The following INTS6 variants were observed in gnomAD, a reference collection of about 807,000 sequenced individuals.
The protein encoded by INTS6 is DEAD box protein.
In INTS6, 16 loss-of-function variants were observed where a neutral mutation model predicts 104.9. The observed-to-expected ratio is 0.15, with a 90% CI of 0.10 to 0.23. The LOEUF (loss-of-function observed/expected upper bound fraction) is 0.23. Ranked by LOEUF, INTS6 falls within the 10% of genes least tolerant of loss-of-function variation. The pLI, the probability that INTS6 is intolerant of heterozygous loss-of-function variation, is 1.00. For missense variants in INTS6, 584 were observed against 1,062.8 expected (o/e 0.55, Z 6.26); for synonymous variants, 324 against 358.7 (o/e 0.90, Z 1.09).
At chr13:51,449,648 T>C in intron 3 of INTS6, 1 of 985,250 alleles carries the variant, frequency 1.0e-6, no homozygotes, top group Non-Finnish European at 1.2e-6. Context: ...TAAATATCTC[T>C]TTGAACTCAA....
intron 3 of INTS6, chr13:51,354,380 A>G (rs935508100): frequency 1.3e-5 from 2 of 152,216 alleles, no homozygotes; most frequent in African/African-American, 2.4e-5. Flanking sequence ...TGAAGATGAA[A>G]TGTCTGATAA....
At chr13:51,345,228 A>G in the INTS6 span, among the ~76,000 whole-genome samples, 1 of 152,184 alleles carries the variant, frequency 6.6e-6, no homozygotes, top group Non-Finnish European at 1.5e-5. Context: ...CCTCCTGCCC[A>G]GGGTCCACAG....
At chr13:51,440,308 G>C (rs1035295516) in intron 3 of INTS6, 2 of 151,328 alleles carry the variant, frequency 1.3e-5, no homozygotes, top group Non-Finnish European at 2.9e-5. Context: ...AAAGCTTACA[G>C]AATAAGGATA....
rs1207182770 is a variant in INTS6, at chr13:51,365,372, A to C, written c.*380T>G. The C allele has an allele frequency of 2.0e-5, 3 of 151,888 alleles. No individual in the cohort carries two copies. Among genetic ancestry groups the C allele is most frequent in the Non-Finnish European group, 4.4e-5 (3 of 68,830 alleles). The allele number at this position is 151,888 out of a possible 1,614,324, so 9.4% of individuals were successfully genotyped here. A position where few individuals can be genotyped will look rare whatever the true frequency, so the allele number is the denominator to read the frequency against. The stretch of plus-strand genomic sequence containing the variant: ...TTTTAATGTATGTGCTTTTTTCCCC[A>C]AAAATTACAAAGTAACTTCTTTTTT... On this transcript the variant is annotated 3_prime_UTR_variant, in exon 18 of 18. Coordinates refer to ENST00000311234, the MANE Select transcript of INTS6 (RefSeq NM_012141.3).
downstream of INTS6, among the ~76,000 whole-genome samples, chr13:51,351,462 G>A (rs1018319124): frequency 1.3e-5 from 2 of 152,108 alleles, no homozygotes; most frequent in Non-Finnish European, 2.9e-5. Context: ...GTCTATTTCA[G>A]AGGTTTTTCC....
chr13:51,341,151 C>A, the INTS6 span: 2 of 1,613,934 alleles, frequency 1.2e-6, no homozygotes, highest in Non-Finnish European at 1.7e-6. Flanking sequence ...GAGCAAATGG[C>A]CACCTCCGTG....
chr13:51,363,968 T>C lies in INTS6; in HGVS notation c.*1784A>G, dbSNP rs1040285091. On this transcript the variant is annotated 3_prime_UTR_variant, in exon 18 of 18. Transcript: ENST00000311234. ...GCTGAATCTCTTTCCTAGATACTCTTGTTAAGTATGAATTTTTATCTGAAT... is the reference window on the plus strand; with the variant it reads ...GCTGAATCTCTTTCCTAGATACTCTCGTTAAGTATGAATTTTTATCTGAAT... The C allele has an allele frequency of 4.1e-6, 1 of 244,848 alleles. No individual in the cohort carries two copies. Among genetic ancestry groups the C allele is most frequent in the African/African-American group, 2.2e-5 (1 of 44,762 alleles). The allele number at this position is 244,848 out of a possible 1,614,324, so 15.2% of individuals were successfully genotyped here.
the INTS6 span, among the ~76,000 whole-genome samples, chr13:51,335,389 A>G: frequency 2.0e-5 from 3 of 152,240 alleles, no homozygotes; most frequent in East Asian, 3.8e-4. Context: ...CAAGCATATT[A>G]TGAGACGCTC....
intron 4 of INTS6, among the ~76,000 whole-genome samples, chr13:51,408,667 T>C (rs572790850): frequency 6.6e-6 from 1 of 152,334 alleles, no homozygotes; most frequent in South Asian, 2.1e-4. Flanking sequence ...AATAATAATC[T>C]CTTTCTTGAT....
intron 4 of INTS6, among the ~76,000 whole-genome samples, chr13:51,429,785 A>AATATATATATATATAT (rs201277531): frequency 3.2e-5 from 3 of 92,354 alleles, no homozygotes; most frequent in African/African-American, 4.6e-5. Flanking sequence ...AAAAAAAAAA[A>AATATATATATATATAT]ATATATATAT....
At chr13:51,340,140 G>T in the INTS6 span, among the ~76,000 whole-genome samples, 1 of 152,182 alleles carries the variant, frequency 6.6e-6, no homozygotes, top group Non-Finnish European at 1.5e-5. Context: ...TGAGTAGCAG[G>T]GTGAGCTGCT....
At position 51,385,420 on chromosome 13, in the gene INTS6, A is replaced by G. The variant is rs117899497; in HGVS notation, c.895-1679T>C. 2.4e-4 allele frequency among the ~76,000 whole-genome samples: 37 copies of G among 152,326 alleles called. No individual in the cohort carries two copies. In the East Asian group the frequency reaches 6.9e-3, roughly 29 times the overall value. On this transcript the variant is annotated intron_variant, in intron 7 of 17. Transcript: ENST00000311234. ...CATGCACCTGACACACAGTTTATTG[A>G]ATCAGTCCACAAAACACACTTATTC...
rs1420236393 is a variant in INTS6 at position 51,374,666 on chromosome 13, C to T, written c.1860G>A (p.Lys620=). 5 of 1,613,086 alleles carry T rather than the reference C, an allele frequency of 3.1e-6. No individual in the cohort carries two copies. The highest frequency in any genetic ancestry group is 4.2e-6 in the Non-Finnish European group (5 of 1,179,898). ...RRLHTFGNPF[K]LDKKGMMIDE... Reference sequence around the variant, plus strand: ...ATTTCAAAATTACCTTCTTATCCAGCTTAAAGGGGTTGCCAAATGTATGCA... The same window carrying T: ...ATTTCAAAATTACCTTCTTATCCAGTTTAAAGGGGTTGCCAAATGTATGCA... The change falls in exon 14 of 18, where the codon AAG becomes AAA. Residue 620 remains lysine, a synonymous_variant. Transcript: ENST00000311234.
the INTS6 span, among the ~76,000 whole-genome samples, chr13:51,335,586 T>C: frequency 6.6e-6 from 1 of 152,192 alleles, no homozygotes; most frequent in Non-Finnish European, 1.5e-5. Flanking sequence ...ATATGCATAG[T>C]GTATAACCTT....
intron 4 of INTS6, among the ~76,000 whole-genome samples, chr13:51,396,639 G>C (rs554157332): frequency 6.6e-6 from 1 of 152,078 alleles, no homozygotes; most frequent in Non-Finnish European, 1.5e-5. Context: ...GAAAAGATTC[G>C]ACCTGAATTG....
intron 5 of INTS6, among the ~76,000 whole-genome samples, chr13:51,394,788 T>A (rs1956306454): frequency 6.6e-6 from 1 of 152,180 alleles, no homozygotes; most frequent in Admixed American, 6.5e-5. Flanking sequence ...CATATTGTAT[T>A]TCAAGATTTT....
intron 4 of INTS6, among the ~76,000 whole-genome samples, chr13:51,430,021 A>G (rs1028259822): frequency 1.3e-5 from 2 of 151,870 alleles, no homozygotes; most frequent in Non-Finnish European, 2.9e-5. Flanking sequence ...TCATTTTACT[A>G]TTTATGACAG....
In INTS6 at chr13:51,453,015, C is replaced by T. The variant is rs1032273584; in HGVS notation, c.-490G>A. 13 of 1,012,524 alleles carry T rather than the reference C, an allele frequency of 1.3e-5. No individual in the cohort carries two copies. The East Asian group carries it at 5.6e-4, about 44-fold the overall frequency. 62.7% of individuals were successfully genotyped at this position (1,012,524 alleles called of 1,614,324 possible). ...CACCCCGGCGGTGTCACCACTTTCT[C>T]AGCCCCTCTCGCTACTGAAGCGCTT... On this transcript the variant is annotated 5_prime_UTR_variant, in exon 1 of 18. Coordinates refer to ENST00000311234, the MANE Select transcript of INTS6 (RefSeq NM_012141.3).
downstream of INTS6, among the ~76,000 whole-genome samples, chr13:51,352,406 AATTG>A (rs1955413508): frequency 6.6e-6 from 1 of 151,428 alleles, no homozygotes; most frequent in Non-Finnish European, 1.5e-5. Context: ...ATACAAACAC[AATTG>A]ATTTTTGTAT....
Sources: allele counts gnomAD v4.1 joint callset (sites outside exome capture counted in the v4.1 genomes callset), GRCh38; gene constraint gnomAD v4.1.1; transcripts MANE v1.5; gene names NCBI Gene and HGNC (gene_info 2026-07-23, HGNC 2026-07-21).